NRG1: variants seen among roughly 807,000 people sequenced by gnomAD.
NRG1 encodes the protein pro-neuregulin-1, membrane-bound isoform.
NRG1 carries 18 observed loss-of-function variants against 63.8 expected under a neutral mutation model. The observed-to-expected ratio is 0.28, with a 90% CI of 0.19 to 0.42. The LOEUF is 0.42. NRG1 is among the 10% of genes least tolerant of loss of function. NRG1 has a pLI of 1.00. For missense variants in NRG1, 762 were observed against 814.7 expected, an observed-to-expected ratio of 0.94 and a Z score of 0.79; for synonymous variants, 302 against 301.3, an observed-to-expected ratio of 1.00 and a Z score of -0.02.
At chr8:32,642,503 G>A (rs1427285446) in intron 5 of NRG1, among the ~76,000 whole-genome samples, 2 of 152,188 alleles carry the variant, frequency 1.3e-5, no homozygotes, top group Non-Finnish European at 2.9e-5. Context: ...TTTTTGGATA[G>A]GTGGAAGAAG....
At chr8:32,057,749 A>G (rs1823196105) in intron 1 of NRG1, among the ~76,000 whole-genome samples, 1 of 152,184 alleles carries the variant, frequency 6.6e-6, no homozygotes, top group African/African-American at 2.4e-5. Context: ...TTCTAAAGCT[A>G]AAAGCCTATG....
intron 1 of NRG1, among the ~76,000 whole-genome samples, chr8:32,473,886 A>G (rs1824153154): frequency 1.3e-5 from 2 of 151,920 alleles, no homozygotes; most frequent in Non-Finnish European, 2.9e-5. Context: ...ATGTCTCGCC[A>G]TGTTTCCCAA....
chr8:31,825,156 C>T (rs923424158), intron 1 of NRG1, among the ~76,000 whole-genome samples: 6 of 152,008 alleles, frequency 3.9e-5, no homozygotes, highest in African/African-American at 9.7e-5. Context: ...TTTAGAAGGC[C>T]GAGGCAGGCA....
chr8:31,776,271 A>T lies in NRG1; in HGVS notation c.37+136840A>T, dbSNP rs147842242. 3.1e-3 allele frequency among the ~76,000 whole-genome samples: 467 copies of T among 152,310 alleles called. 4 individuals carry two copies. The highest frequency in any genetic ancestry group is 0.01 in the African/African-American group (425 of 41,564). On this transcript the variant is annotated intron_variant, in intron 1 of 10. Coordinates refer to the NRG1 transcript ENST00000519301. Reference sequence around the variant, plus strand: ...GAAAAATAGTTAAATTGAAAAACAGATGTCCTTGTGCCTCCTAATTCCCAG... The same window carrying T: ...GAAAAATAGTTAAATTGAAAAACAGTTGTCCTTGTGCCTCCTAATTCCCAG...
At chr8:32,343,470 T>C (rs914118857) in intron 1 of NRG1, among the ~76,000 whole-genome samples, 6 of 152,202 alleles carry the variant, frequency 3.9e-5, no homozygotes, top group African/African-American at 1.2e-4. Flanking sequence ...TACTCCAGTT[T>C]TGTTTATGCA....
chr8:32,364,251 G>A (rs1187468870), intron 1 of NRG1, among the ~76,000 whole-genome samples: 2 of 151,850 alleles, frequency 1.3e-5, no homozygotes, highest in Non-Finnish European at 2.9e-5. Flanking sequence ...GTTAATTCAT[G>A]CAACTTGCAC....
At chr8:31,655,796 G>A (rs1464993774) in intron 1 of NRG1, among the ~76,000 whole-genome samples, 1 of 152,200 alleles carries the variant, frequency 6.6e-6, no homozygotes, top group African/African-American at 2.4e-5. Flanking sequence ...CTACAGAAGT[G>A]AAGAGAAGTG....
chr8:31,838,908 T>G (rs1825929162), intron 1 of NRG1, among the ~76,000 whole-genome samples: 1 of 152,240 alleles, frequency 6.6e-6, no homozygotes, highest in Non-Finnish European at 1.5e-5. Context: ...ATAATTGTAT[T>G]CACTATTTCC....
intron 1 of NRG1, among the ~76,000 whole-genome samples, chr8:31,654,151 G>A (rs573286007): frequency 6.6e-6 from 1 of 152,224 alleles, no homozygotes; most frequent in South Asian, 2.1e-4. Context: ...TATGGACTCA[G>A]TCATATTTCT....
At chr8:32,685,074 A>T (rs932060189) in intron 5 of NRG1, among the ~76,000 whole-genome samples, 12 of 152,180 alleles carry the variant, frequency 7.9e-5, no homozygotes, top group Admixed American at 2.6e-4. Flanking sequence ...ATTGACCTTG[A>T]TTCAGTCAAC....
chr8:32,484,804 C>T (rs555140634), intron 1 of NRG1, among the ~76,000 whole-genome samples: 35 of 152,224 alleles, frequency 2.3e-4, no homozygotes, highest in African/African-American at 8.4e-4. Context: ...TTAATGGAAA[C>T]ATTTCATGTT....
chr8:32,173,052 TTGAAA>T (rs1840258264), intron 1 of NRG1, among the ~76,000 whole-genome samples: 1 of 151,926 alleles, frequency 6.6e-6, no homozygotes, highest in South Asian at 2.1e-4. Context: ...TTCACCAAAG[TTGAAA>T]TGAAGGAAAA....
At chr8:31,887,178 A>C (rs1313682996) in intron 1 of NRG1, among the ~76,000 whole-genome samples, 1 of 152,094 alleles carries the variant, frequency 6.6e-6, no homozygotes, top group Non-Finnish European at 1.5e-5. Flanking sequence ...GCTGAAAATC[A>C]GCATGCAGAT....
At chr8:32,119,964 G>A (rs924002412) in intron 1 of NRG1, among the ~76,000 whole-genome samples, 1 of 152,126 alleles carries the variant, frequency 6.6e-6, no homozygotes, top group Admixed American at 6.6e-5. Context: ...GGCAACCTGG[G>A]TCAAAGTCCT....
At chr8:31,727,396 C>A (rs1813557759) in intron 1 of NRG1, among the ~76,000 whole-genome samples, 1 of 152,144 alleles carries the variant, frequency 6.6e-6, no homozygotes, top group South Asian at 2.1e-4. Context: ...TCCATCTCCT[C>A]TAATTTCTCA....
intron 5 of NRG1, among the ~76,000 whole-genome samples, chr8:32,681,734 T>G (rs928138783): frequency 3.3e-5 from 5 of 152,160 alleles, no homozygotes; most frequent in African/African-American, 9.6e-5. Flanking sequence ...TCTAGCAAGT[T>G]TGGGACACTT....
chr8:32,532,649 A>T (rs913977618), intron 1 of NRG1, among the ~76,000 whole-genome samples: 9 of 152,014 alleles, frequency 5.9e-5, no homozygotes, highest in African/African-American at 2.2e-4. Flanking sequence ...TTTTTCAGTC[A>T]AGTATTTCTT....
intron 1 of NRG1, among the ~76,000 whole-genome samples, chr8:32,123,051 C>T (rs916302733): frequency 9.9e-5 from 15 of 151,824 alleles, no homozygotes; most frequent in African/African-American, 3.4e-4. Flanking sequence ...AGCTAGAGAC[C>T]ACAATGCTGT....
chr8:32,128,246 T>A (rs1167563904), intron 1 of NRG1, among the ~76,000 whole-genome samples: 1 of 151,890 alleles, frequency 6.6e-6, no homozygotes, highest in Non-Finnish European at 1.5e-5. Context: ...GGCCCTCTAC[T>A]CCAGCTGTTG....
Sources: gnomAD v4.1 joint callset for allele counts (sites outside exome capture counted in the v4.1 genomes callset) on GRCh38, gnomAD v4.1.1 for gene constraint, MANE v1.5 for transcripts, NCBI Gene and HGNC (gene_info 2026-07-23, HGNC 2026-07-21) for gene names.